ANKS1B: variants seen among roughly 807,000 people sequenced by gnomAD.
The protein encoded by ANKS1B is ankyrin repeat and sterile alpha motif domain containing 1B, also known as ankyrin repeat and sterile alpha motif domain-containing protein 1B.
ANKS1B carries 36 observed loss-of-function variants against 148.3 expected under a neutral mutation model. The observed-to-expected ratio is 0.24, with a 90% CI of 0.19 to 0.32. The LOEUF is 0.32. Ranked by LOEUF, ANKS1B falls within the 10% of genes least tolerant of loss-of-function variation. The probability of loss-of-function intolerance (pLI) is 1.00; values close to 1 mark genes in which losing one functional copy is unlikely to be tolerated. For synonymous variants in ANKS1B, 542 were observed against 560.8 expected, an observed-to-expected ratio of 0.97 and a Z score of 0.47; for missense variants, 1,157 against 1,542.6, an observed-to-expected ratio of 0.75 and a Z score of 4.19.
chr12:99,704,332 C>T (rs533855026), intron 8 of ANKS1B, among the ~76,000 whole-genome samples: 23 of 152,032 alleles, frequency 1.5e-4, no homozygotes, highest in South Asian at 8.3e-4. Context: ...GATTGGGATG[C>T]TCATGTGGAA....
chr12:98,814,532 AT>A (rs1376637580), intron 19 of ANKS1B, among the ~76,000 whole-genome samples: 6 of 152,176 alleles, frequency 3.9e-5, no homozygotes, highest in Non-Finnish European at 8.8e-5. Flanking sequence ...CTATTGGAAG[AT>A]TCCTCATATT....
intron 17 of ANKS1B, among the ~76,000 whole-genome samples, chr12:99,044,337 A>G (rs1283284621): frequency 6.6e-6 from 1 of 152,224 alleles, no homozygotes; most frequent in Non-Finnish European, 1.5e-5. Context: ...TACAGGGAAA[A>G]AAAGCTAATT....
intron 15 of ANKS1B, among the ~76,000 whole-genome samples, chr12:99,086,503 A>C (rs1485072150): frequency 1.3e-5 from 2 of 152,120 alleles, no homozygotes; most frequent in Non-Finnish European, 2.9e-5. Flanking sequence ...GCTTTTAAGA[A>C]AGAGAGTTAC....
chr12:99,928,656 A>G lies in ANKS1B; in HGVS notation c.134+55448T>C, dbSNP rs992616493. ...TTCTCTAATTTGATTGCCCTTATAG[A>G]TTTTCCTGAATGATGTGCTAAGTAG... On this transcript the variant is annotated intron_variant, in intron 1 of 26. Transcript: ENST00000683438. 2.6e-5 allele frequency among the ~76,000 whole-genome samples: 4 copies of G among 152,164 alleles called. No individual in the cohort carries two copies. In the East Asian group the frequency reaches 7.7e-4, roughly 29 times the overall value.
chr12:99,152,189 T>C (rs749578972), intron 15 of ANKS1B, among the ~76,000 whole-genome samples: 3 of 152,156 alleles, frequency 2.0e-5, no homozygotes, highest in African/African-American at 7.2e-5. Context: ...CTTATGATAC[T>C]AGTAGCAAAT....
chr12:99,312,902 A>G (rs1205836329), intron 12 of ANKS1B, among the ~76,000 whole-genome samples: 1 of 152,164 alleles, frequency 6.6e-6, no homozygotes, highest in East Asian at 1.9e-4. Flanking sequence ...AACTAGCAGA[A>G]GACAAGAAAT....
At chr12:99,403,795 C>A (rs1274185234) in intron 11 of ANKS1B, among the ~76,000 whole-genome samples, 1 of 145,688 alleles carries the variant, frequency 6.9e-6, no homozygotes, top group Non-Finnish European at 1.5e-5. Context: ...CAAAAATATA[C>A]CATTTGACCC....
intron 12 of ANKS1B, among the ~76,000 whole-genome samples, chr12:99,271,626 A>G (rs1157369188): frequency 7.0e-6 from 1 of 143,046 alleles, no homozygotes; most frequent in African/African-American, 2.6e-5. Flanking sequence ...TATGAGACAC[A>G]TCATATATTT....
intron 16 of ANKS1B, among the ~76,000 whole-genome samples, chr12:99,054,298 T>A (rs763102454): frequency 1.6e-4 from 25 of 152,210 alleles, no homozygotes; most frequent in Non-Finnish European, 3.4e-4. Flanking sequence ...TCCTCTTTCT[T>A]TGATTCAAAG....
intron 8 of ANKS1B, among the ~76,000 whole-genome samples, chr12:99,770,181 G>T (rs75366023): frequency 6.6e-6 from 1 of 152,124 alleles, no homozygotes; most frequent in African/African-American, 2.4e-5. Flanking sequence ...CTTAATAAGC[G>T]ACTTAAATCA....
At chr12:98,902,395 A>G (rs1217452344) in intron 17 of ANKS1B, among the ~76,000 whole-genome samples, 1 of 152,236 alleles carries the variant, frequency 6.6e-6, no homozygotes, top group Non-Finnish European at 1.5e-5. Context: ...TAGCAATGAA[A>G]GAAGAAGGCT....
chr12:99,233,768 T>C (rs1005228549), intron 14 of ANKS1B, among the ~76,000 whole-genome samples: 2 of 152,076 alleles, frequency 1.3e-5, no homozygotes, highest in Non-Finnish European at 2.9e-5. Context: ...ATTGGGGTGG[T>C]AGGAAAAAGA....
At chr12:99,242,260 G>C (rs925705676) in intron 14 of ANKS1B, among the ~76,000 whole-genome samples, 3 of 152,084 alleles carry the variant, frequency 2.0e-5, no homozygotes, top group Admixed American at 2.0e-4. Context: ...TAGACAAACA[G>C]AAAGTCAAAA....
At chr12:99,088,089 C>T (rs1447778056) in intron 15 of ANKS1B, among the ~76,000 whole-genome samples, 2 of 151,840 alleles carry the variant, frequency 1.3e-5, no homozygotes, top group African/African-American at 4.8e-5. Flanking sequence ...ATGGGAAGCA[C>T]AAGAAAAATA....
chr12:99,927,818 C>T (rs1247975037), intron 1 of ANKS1B, among the ~76,000 whole-genome samples: 2 of 152,048 alleles, frequency 1.3e-5, no homozygotes, highest in African/African-American at 4.8e-5. Flanking sequence ...CAAGAATATG[C>T]TGCTTTAAGT....
chr12:99,596,409 G>T (rs947498777), intron 9 of ANKS1B, among the ~76,000 whole-genome samples: 3 of 151,490 alleles, frequency 2.0e-5, no homozygotes, highest in Non-Finnish European at 4.4e-5. Context: ...CTCTCCTCTT[G>T]TTATAAGGAT....
At chr12:99,414,598 A>T (rs2094832392) in intron 11 of ANKS1B, among the ~76,000 whole-genome samples, 1 of 152,118 alleles carries the variant, frequency 6.6e-6, no homozygotes, top group Non-Finnish European at 1.5e-5. Flanking sequence ...ACCAAACACC[A>T]CATGTTCTCA....
At chr12:99,616,168 A>T (rs184314298) in intron 9 of ANKS1B, among the ~76,000 whole-genome samples, 57 of 152,342 alleles carry the variant, frequency 3.7e-4, no homozygotes, top group Non-Finnish European at 7.2e-4. Flanking sequence ...AAAACGTTCC[A>T]TGCTCATGGA....
At chr12:99,880,853 T>C (rs1262211555) in intron 1 of ANKS1B, among the ~76,000 whole-genome samples, 3 of 152,178 alleles carry the variant, frequency 2.0e-5, no homozygotes, top group Non-Finnish European at 4.4e-5. Flanking sequence ...CAATTAGTCA[T>C]AACAAGTGAA....
Sources: allele counts gnomAD v4.1 joint callset (sites outside exome capture counted in the v4.1 genomes callset), GRCh38; gene constraint gnomAD v4.1.1; transcripts MANE v1.5; gene names NCBI Gene and HGNC (gene_info 2026-07-23, HGNC 2026-07-21).